ANO4: variants seen among roughly 807,000 people sequenced by gnomAD.
ANO4 encodes the protein anoctamin-4.
In ANO4, 69 loss-of-function variants were observed where a neutral mutation model predicts 141.9. The observed-to-expected ratio is 0.49, with a 90% CI of 0.40 to 0.59. The LOEUF (loss-of-function observed/expected upper bound fraction) is 0.59. ANO4 is among the 20% of genes least tolerant of loss of function. The pLI is 0.00. For synonymous variants in ANO4, 350 were observed against 394.3 expected (o/e 0.89, Z 1.33); for missense variants, 894 against 1,162.2 (o/e 0.77, Z 3.36).
intron 2 of ANO4, among the ~76,000 whole-genome samples, chr12:100,908,175 C>A (rs1159018089): frequency 2.0e-5 from 3 of 152,056 alleles, no homozygotes; most frequent in Admixed American, 6.6e-5. Context: ...GGTGGAGAAA[C>A]CCTCTCTCTA....
At chr12:101,120,464 A>G (rs1220009515) in intron 25 of ANO4, 56 bp from the exon 26 acceptor site, 6 of 1,454,766 alleles carry the variant, frequency 4.1e-6, no homozygotes, top group Non-Finnish European at 5.8e-6. Flanking sequence ...AATGGAAGAG[A>G]TTTGAGAATC....
intron 1 of ANO4, among the ~76,000 whole-genome samples, chr12:100,731,867 A>G (rs1208338161): frequency 6.6e-6 from 1 of 152,170 alleles, no homozygotes; most frequent in Non-Finnish European, 1.5e-5. Context: ...CATTGTCTGG[A>G]TATACCACAG....
At chr12:100,958,747 C>A (rs998833054) in intron 5 of ANO4, among the ~76,000 whole-genome samples, 1 of 152,144 alleles carries the variant, frequency 6.6e-6, no homozygotes, top group Non-Finnish European at 1.5e-5. Context: ...ACTTGGGAGG[C>A]TGAGGCAGGA....
chr12:100,891,354 G>T (rs974990247), intron 1 of ANO4, among the ~76,000 whole-genome samples: 1 of 152,302 alleles, frequency 6.6e-6, no homozygotes, highest in Non-Finnish European at 1.5e-5. Flanking sequence ...ATGATTGCTG[G>T]ATTGTATGGT....
chr12:100,852,779 A>G (rs986780464), intron 1 of ANO4, among the ~76,000 whole-genome samples: 8 of 152,206 alleles, frequency 5.3e-5, no homozygotes, highest in Middle Eastern at 3.2e-3. Flanking sequence ...ATAAAAATAT[A>G]CAAATATACA....
chr12:101,079,236 T>G lies in ANO4; in HGVS notation c.1356T>G (p.Ile452Met), dbSNP rs1276809003. The change falls in exon 15 of 28, where the codon ATT becomes ATG. Residue 452 changes from isoleucine (I) to methionine (M), a missense_variant. Transcript: ENST00000392977. ...TTTGGAAAAGACGGCGAGCAGTAAT[T>G]GCTTATGACTGGGATTTGATAGACT... ...LEFWKRRRAV[I>M]AYDWDLIDWE... 1.2e-6 allele frequency: 2 copies of G among 1,614,074 alleles called. No individual in the cohort carries two copies. The highest frequency in any genetic ancestry group is 2.2e-5 in the South Asian group (2 of 91,082).
At chr12:100,789,047 C>T (rs915590333) in intron 3 of ANO4, among the ~76,000 whole-genome samples, 1 of 152,022 alleles carries the variant, frequency 6.6e-6, no homozygotes, top group Admixed American at 6.5e-5. Context: ...GTGATTAGGG[C>T]TTGTAGATGT....
chr12:100,773,269 GC>G (rs2033372686), intron 3 of ANO4, among the ~76,000 whole-genome samples: 1 of 152,152 alleles, frequency 6.6e-6, no homozygotes, highest in South Asian at 2.1e-4. Flanking sequence ...CAAATGCCTT[GC>G]CTTCAAATAC....
At chr12:100,942,963 G>A (rs1454366666) in intron 5 of ANO4, among the ~76,000 whole-genome samples, 1 of 152,208 alleles carries the variant, frequency 6.6e-6, no homozygotes, top group Non-Finnish European at 1.5e-5. Flanking sequence ...AGAGGAGACT[G>A]CCTGGCCAAT....
At chr12:100,925,856 C>T (rs199530583) in intron 3 of ANO4, among the ~76,000 whole-genome samples, 6 of 149,184 alleles carry the variant, frequency 4.0e-5, no homozygotes, top group African/African-American at 1.2e-4. Flanking sequence ...TACACACACA[C>T]ATATATATAT....
At chr12:100,987,793 A>G (rs2044781069) in intron 8 of ANO4, 123 bp downstream of exon 8, 1 of 1,335,994 alleles carries the variant, frequency 7.5e-7, no homozygotes, top group African/African-American at 1.5e-5. Context: ...CTCCCCTAAA[A>G]GTCTTGTGAG....
intron 9 of ANO4, among the ~76,000 whole-genome samples, chr12:101,027,976 C>G (rs564179518): frequency 6.6e-6 from 1 of 152,254 alleles, no homozygotes; most frequent in African/African-American, 2.4e-5. Context: ...GAGCAGGCAC[C>G]CATCTTTGCC....
chr12:100,939,808 C>T (rs188047668), intron 4 of ANO4, among the ~76,000 whole-genome samples: 16 of 152,294 alleles, frequency 1.1e-4, no homozygotes, highest in Admixed American at 1.0e-3. Flanking sequence ...ACCTAAAATG[C>T]ACCAGCCTTC....
chr12:100,817,212 G>A (rs756030636), intron 1 of ANO4, among the ~76,000 whole-genome samples: 19 of 151,886 alleles, frequency 1.3e-4, no homozygotes, highest in Non-Finnish European at 2.5e-4. Context: ...TTGATTATCT[G>A]GCTCTGGGGT....
At chr12:100,826,955 G>A (rs1341782763) in intron 1 of ANO4, among the ~76,000 whole-genome samples, 1 of 151,842 alleles carries the variant, frequency 6.6e-6, no homozygotes, top group African/African-American at 2.4e-5. Flanking sequence ...CCTTGTGTGA[G>A]CCCCCATCAT....
chr12:100,727,892 C>G (rs1307066731), intron 1 of ANO4, among the ~76,000 whole-genome samples: 1 of 152,126 alleles, frequency 6.6e-6, no homozygotes, highest in Non-Finnish European at 1.5e-5. Flanking sequence ...AATAATTGCC[C>G]TTGTACTTTT....
At chr12:100,828,531 C>T (rs1555225883) in intron 1 of ANO4, among the ~76,000 whole-genome samples, 1 of 151,980 alleles carries the variant, frequency 6.6e-6, no homozygotes, top group Non-Finnish European at 1.5e-5. Flanking sequence ...ACGTATGAGT[C>T]CCTATCTTTT....
chr12:100,837,717 C>G (rs1450611940), intron 1 of ANO4, among the ~76,000 whole-genome samples: 1 of 68,150 alleles, frequency 1.5e-5, no homozygotes, highest in Non-Finnish European at 2.7e-5. Context: ...GAGACCTTGT[C>G]TCTAAAAAAA....
chr12:100,797,530 T>C (rs992839510), intron 1 of ANO4, among the ~76,000 whole-genome samples: 3 of 152,226 alleles, frequency 2.0e-5, no homozygotes, highest in Non-Finnish European at 4.4e-5. Flanking sequence ...ATTTTGTGTG[T>C]ATTTATTTTG....
Sources: gnomAD v4.1 joint callset for allele counts (sites outside exome capture counted in the v4.1 genomes callset) on GRCh38, gnomAD v4.1.1 for gene constraint, MANE v1.5 for transcripts, NCBI Gene and HGNC (gene_info 2026-07-23, HGNC 2026-07-21) for gene names.